Variants in DHRSX observed in about 807,000 individuals in gnomAD.
The protein encoded by DHRSX is polyprenol dehydrogenase.
Under a neutral mutation model 34.0 loss-of-function variants are expected in DHRSX, and 31 were observed. The ratio of observed to expected loss-of-function variants is 0.91; its 90% CI spans 0.69 to 1.23. The LOEUF is 1.23. Among genes scored for constraint, DHRSX ranks in the 50% most tolerant of loss-of-function variants. The pLI, the probability that DHRSX is intolerant of heterozygous loss-of-function variation, is 0.00. For synonymous variants in DHRSX, 201 were observed against 183.8 expected (o/e 1.09, Z -0.76); for missense variants, 414 against 428.1 (o/e 0.97, Z 0.29).
chrX:2,370,286 C>T (rs1183129218), intron 3 of DHRSX, among the ~76,000 whole-genome samples: 1 of 152,032 alleles, frequency 6.6e-6, no homozygotes, highest in Non-Finnish European at 1.5e-5. Flanking sequence ...ATTCTCCTGC[C>T]TCAGCCTCCC....
intron 6 of DHRSX, among the ~76,000 whole-genome samples, chrX:2,227,114 T>G (rs1352892313): frequency 6.6e-6 from 1 of 152,034 alleles, no homozygotes; most frequent in African/African-American, 2.4e-5. Flanking sequence ...CAGCCAGCCC[T>G]GCACCCACAT....
At chrX:2,251,502 G>A (rs2016432772) in intron 5 of DHRSX, among the ~76,000 whole-genome samples, 1 of 152,028 alleles carries the variant, frequency 6.6e-6, no homozygotes, top group East Asian at 1.9e-4. Context: ...GTTCCAAGGT[G>A]CTGGCCAATC....
intron 4 of DHRSX, among the ~76,000 whole-genome samples, chrX:2,273,367 TA>T (rs1322649216): frequency 6.6e-6 from 1 of 152,070 alleles, no homozygotes; most frequent in East Asian, 1.9e-4. Flanking sequence ...ACTAAGCCAT[TA>T]AAAAGAGTGG....
At chrX:2,370,402 C>G (rs1471868216) in intron 3 of DHRSX, among the ~76,000 whole-genome samples, 1 of 152,032 alleles carries the variant, frequency 6.6e-6, no homozygotes, top group Non-Finnish European at 1.5e-5. Flanking sequence ...AAAGTCCTGA[C>G]CTCAGGTGAT....
At chrX:2,384,916 AAAAT>A (rs1020816132) in intron 3 of DHRSX, among the ~76,000 whole-genome samples, 7 of 149,396 alleles carry the variant, frequency 4.7e-5, no homozygotes, top group African/African-American at 1.2e-4. Flanking sequence ...ATAATAATAA[AAAAT>A]AAATAAATTT....
At chrX:2,315,719 G>C (rs1210696699) in intron 3 of DHRSX, among the ~76,000 whole-genome samples, 2 of 152,062 alleles carry the variant, frequency 1.3e-5, no homozygotes, top group Non-Finnish European at 2.9e-5. Flanking sequence ...TAGATTAACA[G>C]GATGTCTCCA....
At chrX:2,374,064 C>T (rs1354232185) in intron 3 of DHRSX, among the ~76,000 whole-genome samples, 1 of 152,200 alleles carries the variant, frequency 6.6e-6, no homozygotes, top group Non-Finnish European at 1.5e-5. Context: ...CCTCTACTCA[C>T]CTGTCCAGCC....
chrX:2,467,478 G>A (rs2044514099), intron 1 of DHRSX, among the ~76,000 whole-genome samples: 1 of 152,184 alleles, frequency 6.6e-6, no homozygotes, highest in Admixed American at 6.6e-5. Context: ...AGACAGGACT[G>A]TAACAGGGAC....
chrX:2,358,568 G>A (rs1195824406), intron 3 of DHRSX, among the ~76,000 whole-genome samples: 4 of 152,050 alleles, frequency 2.6e-5, no homozygotes, highest in African/African-American at 9.7e-5. Flanking sequence ...GCATGGTGGC[G>A]GGGTTGAGGG....
At chrX:2,324,073 AAG>A (rs2042346389) in intron 3 of DHRSX, among the ~76,000 whole-genome samples, 1 of 139,706 alleles carries the variant, frequency 7.2e-6, no homozygotes, top group Non-Finnish European at 1.6e-5. Context: ...AAAAAAAAAA[AAG>A]ATTTTGCACA....
intron 3 of DHRSX, among the ~76,000 whole-genome samples, chrX:2,318,689 G>A (rs2042270398): frequency 6.6e-6 from 1 of 151,446 alleles, no homozygotes; most frequent in South Asian, 2.1e-4. Context: ...CGGCTTCCCA[G>A]AAAACTCACG....
intron 3 of DHRSX, among the ~76,000 whole-genome samples, chrX:2,294,317 GCAGATCACGTGAGGT>G (rs1170798089): frequency 6.6e-6 from 1 of 152,120 alleles, no homozygotes; most frequent in Admixed American, 6.6e-5. Context: ...GCGAAGGCAG[GCAGATCACGTGAGGT>G]CAGGACTTTG....
chrX:2,360,304 G>T (rs35514631), intron 3 of DHRSX, among the ~76,000 whole-genome samples: 10,148 of 152,258 alleles, frequency 0.067, 424 homozygotes, highest in Middle Eastern at 0.16. Context: ...TTATAATGGG[G>T]CCAGGCGTGG....
intron 1 of DHRSX, among the ~76,000 whole-genome samples, chrX:2,431,492 C>G (rs773766656): frequency 1.1e-4 from 16 of 151,994 alleles, no homozygotes; most frequent in African/African-American, 1.7e-4. Flanking sequence ...GGGTAGATAC[C>G]CAGTAATGGG....
At chrX:2,436,062 A>T (rs894200874) in intron 1 of DHRSX, among the ~76,000 whole-genome samples, 1 of 151,796 alleles carries the variant, frequency 6.6e-6, no homozygotes, top group Non-Finnish European at 1.5e-5. Context: ...GCATGGTAGC[A>T]CGCACCTGTA....
At chrX:2,317,372 G>A (rs2042253547) in intron 3 of DHRSX, among the ~76,000 whole-genome samples, 1 of 149,446 alleles carries the variant, frequency 6.7e-6, no homozygotes, top group Admixed American at 6.8e-5. Flanking sequence ...CTGCCTCACT[G>A]TCCCAAGTAG....
intron 6 of DHRSX, among the ~76,000 whole-genome samples, chrX:2,242,474 G>T (rs2016163551): frequency 6.6e-6 from 1 of 152,136 alleles, no homozygotes; most frequent in Non-Finnish European, 1.5e-5. Flanking sequence ...ATAGGGGCTG[G>T]GTAACACGAG....
intron 3 of DHRSX, among the ~76,000 whole-genome samples, chrX:2,372,466 TCCAGGATC>T (rs2043084030): frequency 2.0e-5 from 3 of 151,774 alleles, no homozygotes; most frequent in Admixed American, 2.0e-4. Flanking sequence ...AAACATAAAT[TCCAGGATC>T]CCGTTGAGTA....
At chrX:2,305,424 C>T (rs774593579) in intron 3 of DHRSX, among the ~76,000 whole-genome samples, 3 of 152,208 alleles carry the variant, frequency 2.0e-5, no homozygotes, top group Non-Finnish European at 2.9e-5. Flanking sequence ...TTGTGGAAGA[C>T]ACTGTGGCGA....
Sources: allele counts gnomAD v4.1 joint callset (sites outside exome capture counted in the v4.1 genomes callset), GRCh38; gene constraint gnomAD v4.1.1; transcripts MANE v1.5; gene names NCBI Gene and HGNC (gene_info 2026-07-23, HGNC 2026-07-21).